The following RPH3A variants were observed in gnomAD, a reference collection of about 807,000 sequenced individuals.
RPH3A encodes the protein rabphilin-3A.
In RPH3A, 48 loss-of-function variants were observed where a neutral mutation model predicts 102.2. The ratio of observed to expected loss-of-function variants is 0.47; its 90% CI spans 0.37 to 0.60. The LOEUF (loss-of-function observed/expected upper bound fraction) is 0.60, where lower values mean the gene tolerates loss of function less well. Among genes scored for constraint, RPH3A ranks in the 20% least tolerant of loss-of-function variants. RPH3A has a pLI of 0.00. For synonymous variants in RPH3A, 310 were observed against 324.3 expected, an observed-to-expected ratio of 0.96 and a Z score of 0.47; for missense variants, 781 against 910.1, an observed-to-expected ratio of 0.86 and a Z score of 1.83.
At chr12:112,804,987 G>A (rs905492640) in intron 2 of RPH3A, among the ~76,000 whole-genome samples, 7 of 152,006 alleles carry the variant, frequency 4.6e-5, no homozygotes, top group Non-Finnish European at 7.4e-5. Context: ...GAAGAACTAG[G>A]CATTTATAGG....
intron 1 of RPH3A, among the ~76,000 whole-genome samples, chr12:112,610,507 A>T (rs985153589): frequency 8.8e-5 from 9 of 101,796 alleles, no homozygotes; most frequent in South Asian, 4.1e-4. Flanking sequence ...TGTCTCAATT[A>T]AAAAAAAAAA....
At chr12:112,594,967 A>G (rs1236017909) in intron 1 of RPH3A, among the ~76,000 whole-genome samples, 1 of 152,230 alleles carries the variant, frequency 6.6e-6, no homozygotes, top group African/African-American at 2.4e-5. Context: ...GGAGTTGCAC[A>G]GCATAGTGGA....
chr12:112,708,174 C>T (rs1438752825), intron 1 of RPH3A, among the ~76,000 whole-genome samples: 2 of 152,230 alleles, frequency 1.3e-5, no homozygotes, highest in East Asian at 1.9e-4. Flanking sequence ...GTTTATGTCA[C>T]AGCCTATGTG....
chr12:112,577,296 T>C lies in RPH3A; in HGVS notation c.-140+1977T>C, dbSNP rs575218927. Among the ~76,000 whole-genome samples the C allele has an allele frequency of 2.0e-5, 3 of 152,384 alleles. No individual in the cohort carries two copies. In the South Asian group the frequency reaches 6.2e-4, roughly 32 times the overall value. On this transcript the variant is annotated intron_variant, in intron 1 of 21. Coordinates refer to the RPH3A transcript ENST00000543106. Reference sequence around the variant, plus strand: ...GGGCAGATTATTCATGAATTTTCTATGAAAGGGGTAGGCAGTTTCCAGAAC... The same window carrying C: ...GGGCAGATTATTCATGAATTTTCTACGAAAGGGGTAGGCAGTTTCCAGAAC...
At chr12:112,714,048 A>G (rs2040498212) in intron 1 of RPH3A, among the ~76,000 whole-genome samples, 1 of 152,116 alleles carries the variant, frequency 6.6e-6, no homozygotes. Flanking sequence ...TGAGGCCTAT[A>G]GGTGGTTGGT....
intron 2 of RPH3A, among the ~76,000 whole-genome samples, chr12:112,801,946 G>A (rs1482246469): frequency 1.3e-5 from 2 of 152,104 alleles, no homozygotes; most frequent in Non-Finnish European, 2.9e-5. Context: ...CATCCACGTT[G>A]CAAGGTGGCA....
chr12:112,847,946 T>C, intron 5 of RPH3A, 104 bp downstream of exon 5: 1 of 1,327,946 alleles, frequency 7.5e-7, no homozygotes, highest in Non-Finnish European at 1.0e-6. Flanking sequence ...GGGCTGCCTC[T>C]GGGCTTTGCC....
rs958468369 is a variant in RPH3A, at chr12:112,898,480, C to G, written c.*1700C>G. On this transcript the variant is annotated 3_prime_UTR_variant, in exon 22 of 22. Coordinates refer to ENST00000389385, the MANE Select transcript of RPH3A (RefSeq NM_001143854.2). The stretch of plus-strand genomic sequence containing the variant: ...TCCACCCTCAGCTCCCTGCACAATT[C>G]ATGGGAGGACTCATTTCTTGCCTTG... 1 of 152,270 alleles carries G rather than the reference C, an allele frequency of 6.6e-6. No homozygotes were observed. The highest frequency in any genetic ancestry group is 1.5e-5 in the Non-Finnish European group (1 of 68,070). The allele number at this position is 152,270 out of a possible 1,614,324, so 9.4% of individuals were successfully genotyped here. A position where few individuals can be genotyped will look rare whatever the true frequency, so the allele number is the denominator to read the frequency against.
chr12:112,671,646 C>T (rs940976025), intron 1 of RPH3A, among the ~76,000 whole-genome samples: 2 of 152,014 alleles, frequency 1.3e-5, no homozygotes, highest in Non-Finnish European at 2.9e-5. Context: ...GCCTATGTTC[C>T]CTATTGTAAT....
At position 112,836,502 on chromosome 12, in the gene RPH3A, A is replaced by G. The variant is rs1223621269; in HGVS notation, c.83A>G (p.Gln28Arg). 4.5e-6 allele frequency: 6 copies of G among 1,325,576 alleles called. No individual in the cohort carries two copies. Among genetic ancestry groups the G allele is most frequent in the Non-Finnish European group, 6.2e-6 (6 of 963,112 alleles). 82.1% of individuals were successfully genotyped at this position (1,325,576 alleles called of 1,614,324 possible). ...DRPLQSNDKE[Q>R]LQAGWSVHPG... ...CTGCCTTCCTTCAGTGATAAAGAAC[A>G]GTGAGTATTTTATAACACTTATTTA... The change falls in exon 4 of 22, where the codon CAG becomes CGG. Residue 28 changes from glutamine (Q) to arginine (R), a missense_variant and splice_region_variant. By Grantham distance (43) the Gln-to-Arg change is conservative. Coordinates refer to ENST00000389385, the MANE Select transcript of RPH3A (RefSeq NM_001143854.2).
chr12:112,621,155 C>T (rs1488944639), intron 1 of RPH3A, among the ~76,000 whole-genome samples: 3 of 152,038 alleles, frequency 2.0e-5, no homozygotes, highest in Non-Finnish European at 4.4e-5. Context: ...TTAATTCCTT[C>T]AGTGACTGTT....
At position 112,865,550 on chromosome 12, in the gene RPH3A, T is replaced by C. The variant is rs1236552120; in HGVS notation, c.360+7T>C. ...ATGTGAGGACTGTAAGAAGGTATCA[T>C]CATCCTCTTCTCCCTTCTTCCCTGT... On this transcript the variant is annotated splice_region_variant and intron_variant, in intron 6 of 21. Coordinates refer to ENST00000389385, the MANE Select transcript of RPH3A (RefSeq NM_001143854.2). The C allele has an allele frequency of 6.2e-7, 1 of 1,612,644 alleles. No individual in the cohort carries two copies. The highest frequency in any genetic ancestry group is 1.1e-5 in the South Asian group (1 of 90,908).
intron 14 of RPH3A, 41 bp from the exon 15 acceptor site, chr12:112,881,731 C>A: frequency 2.0e-6 from 3 of 1,478,738 alleles, no homozygotes; most frequent in South Asian, 1.2e-5. Context: ...GAGCACTGGG[C>A]CCTCCTGAGG....
chr12:112,702,840 A>AT (rs2040404285), intron 1 of RPH3A, among the ~76,000 whole-genome samples: 1 of 152,242 alleles, frequency 6.6e-6, no homozygotes, highest in Non-Finnish European at 1.5e-5. Flanking sequence ...AACTGGTCAA[A>AT]TTTTTGTATT....
intron 4 of RPH3A, among the ~76,000 whole-genome samples, chr12:112,843,187 C>T (rs1212400477): frequency 4.6e-5 from 7 of 152,182 alleles, no homozygotes; most frequent in Non-Finnish European, 1.0e-4. Flanking sequence ...GGCCCTCGTG[C>T]CCACATCGCT....
chr12:112,877,083 T>C (rs1475920004), intron 13 of RPH3A, among the ~76,000 whole-genome samples: 1 of 152,162 alleles, frequency 6.6e-6, no homozygotes, highest in African/African-American at 2.4e-5. Flanking sequence ...ATATTTTTTA[T>C]TGTGGTAAAA....
intron 1 of RPH3A, among the ~76,000 whole-genome samples, chr12:112,742,060 C>T (rs1167635166): frequency 2.0e-5 from 3 of 152,158 alleles, no homozygotes; most frequent in Non-Finnish European, 4.4e-5. Context: ...GTCCACAGTC[C>T]TCAGTAAGAC....
chr12:112,748,455 T>C (rs1164282863), intron 1 of RPH3A, among the ~76,000 whole-genome samples: 26 of 152,172 alleles, frequency 1.7e-4, no homozygotes, highest in Non-Finnish European at 1.5e-5. Flanking sequence ...TGCTTCAGCC[T>C]CCTGAGTAGC....
intron 1 of RPH3A, among the ~76,000 whole-genome samples, chr12:112,648,591 A>AAAAAAAAAAAAAAAAAAAAAAAG (rs1566241874): frequency 7.5e-6 from 1 of 134,066 alleles, no homozygotes; most frequent in Non-Finnish European, 1.6e-5. Context: ...AAAAAAAAAA[A>AAAAAAAAAAAAAAAAAAAAAAAG]AAAAAAAGCT....
Sources: gnomAD v4.1 joint callset for allele counts (sites outside exome capture counted in the v4.1 genomes callset) on GRCh38, gnomAD v4.1.1 for gene constraint, MANE v1.5 for transcripts, NCBI Gene and HGNC (gene_info 2026-07-23, HGNC 2026-07-21) for gene names.